Variants in SPIDR observed in about 807,000 individuals in gnomAD.
The protein encoded by SPIDR is scaffold protein involved in DNA repair, also known as DNA repair-scaffolding protein.
In SPIDR, 93 loss-of-function variants were observed where a neutral mutation model predicts 104.6. The ratio of observed to expected loss-of-function variants is 0.89; its 90% CI spans 0.75 to 1.06. The LOEUF is 1.06. Ranked by LOEUF, SPIDR falls within the 50% of genes least tolerant of loss-of-function variation. The pLI is 0.00. For synonymous variants in SPIDR, 431 were observed against 416.9 expected, an observed-to-expected ratio of 1.03 and a Z score of -0.41; for missense variants, 1,154 against 1,111.2, an observed-to-expected ratio of 1.04 and a Z score of -0.55.
chr8:47,591,997 A>G, intron 8 of SPIDR: 1 of 643,758 alleles, frequency 1.6e-6, no homozygotes, highest in Non-Finnish European at 2.8e-6. Context: ...TAGATTTGCT[A>G]ATGTGCATTT....
intron 8 of SPIDR, among the ~76,000 whole-genome samples, chr8:47,553,224 C>G (rs370802410): frequency 4.7e-4 from 71 of 152,270 alleles, no homozygotes; most frequent in African/African-American, 1.7e-3. Context: ...CTTGGTGAAT[C>G]TGACAATTAT....
intron 5 of SPIDR, among the ~76,000 whole-genome samples, chr8:47,302,770 T>C (rs2042364532): frequency 6.6e-6 from 1 of 152,164 alleles, no homozygotes; most frequent in African/African-American, 2.4e-5. Flanking sequence ...AATATTGGTT[T>C]ATACCAAATG....
chr8:47,329,196 G>A (rs529802381), intron 5 of SPIDR, among the ~76,000 whole-genome samples: 4 of 151,344 alleles, frequency 2.6e-5, no homozygotes, highest in South Asian at 2.1e-4. Context: ...TCAGCCTCCC[G>A]AGTAGCTGGG....
At chr8:47,420,415 T>G (rs1323340215) in intron 7 of SPIDR, among the ~76,000 whole-genome samples, 4 of 152,206 alleles carry the variant, frequency 2.6e-5, no homozygotes, top group African/African-American at 9.7e-5. Flanking sequence ...AAAGTCTGTT[T>G]TATCAGAGAC....
intron 10 of SPIDR, among the ~76,000 whole-genome samples, chr8:47,610,524 TC>T (rs990875775): frequency 1.3e-5 from 2 of 152,210 alleles, no homozygotes; most frequent in African/African-American, 4.8e-5. Context: ...TTTGCCTCTG[TC>T]AAATGACCTA....
chr8:47,608,005 A>G (rs181692149), intron 10 of SPIDR, among the ~76,000 whole-genome samples: 39 of 152,268 alleles, frequency 2.6e-4, no homozygotes, highest in African/African-American at 9.4e-4. Context: ...GTACAATTCA[A>G]TTGTGTTTAT....
At chr8:47,641,496 A>G (rs933315750) in intron 10 of SPIDR, among the ~76,000 whole-genome samples, 4 of 152,256 alleles carry the variant, frequency 2.6e-5, no homozygotes, top group African/African-American at 9.6e-5. Flanking sequence ...AGTGCCTACT[A>G]TAGATGAGAC....
intron 8 of SPIDR, among the ~76,000 whole-genome samples, chr8:47,556,703 G>A (rs2091367304): frequency 6.6e-6 from 1 of 152,028 alleles, no homozygotes; most frequent in Non-Finnish European, 1.5e-5. Flanking sequence ...GGGCTGATGT[G>A]ATCCTTCCAC....
intron 8 of SPIDR, among the ~76,000 whole-genome samples, chr8:47,444,359 C>T (rs571261054): frequency 1.3e-5 from 2 of 152,306 alleles, no homozygotes; most frequent in East Asian, 1.9e-4. Flanking sequence ...CAGAGACAAC[C>T]AGGACACCTC....
chr8:47,499,283 G>C (rs1158124369), intron 8 of SPIDR, among the ~76,000 whole-genome samples: 1 of 152,180 alleles, frequency 6.6e-6, no homozygotes, highest in African/African-American at 2.4e-5. Flanking sequence ...GTCTATGACT[G>C]TCAGACTTTT....
At chr8:47,406,529 CT>C (rs1554667375) in intron 6 of SPIDR, among the ~76,000 whole-genome samples, 1 of 152,064 alleles carries the variant, frequency 6.6e-6, no homozygotes, top group Non-Finnish European at 1.5e-5. Flanking sequence ...GAGGTTTTAA[CT>C]TTTTTTCTGT....
At chr8:47,472,193 A>T (rs1433998166) in intron 8 of SPIDR, among the ~76,000 whole-genome samples, 2 of 152,214 alleles carry the variant, frequency 1.3e-5, no homozygotes, top group Non-Finnish European at 2.9e-5. Context: ...GTGTTGAACA[A>T]AGCTGTAGCT....
chr8:47,677,409 G>A (rs1428655420), intron 11 of SPIDR, among the ~76,000 whole-genome samples: 1 of 152,222 alleles, frequency 6.6e-6, no homozygotes, highest in Admixed American at 6.5e-5. Flanking sequence ...AAATTATTTT[G>A]TGGGGAGTGG....
rs781951796 is a variant in SPIDR at position 47,407,883 on chromosome 8, A to G, written c.799A>G (p.Asn267Asp). 6.2e-7 allele frequency: 1 copy of G among 1,601,420 alleles called. No individual in the cohort carries two copies. Among genetic ancestry groups the G allele is most frequent in the African/African-American group, 1.3e-5 (1 of 74,662 alleles). The change falls in exon 7 of 20, where the codon AAT becomes GAT. Residue 267 changes from asparagine (N) to aspartate (D), a missense_variant. Asn to Asp is a conservative substitution (Grantham distance 23). Coordinates refer to ENST00000297423, the MANE Select transcript of SPIDR (RefSeq NM_001080394.4). ...LLRGGLAERL[N>D]GLQNRERSAI... ...CAGAGGTGGACTAGCAGAAAGACTA[A>G]ATGGACTGCAGAATCGAGAGAGATC...
intron 16 of SPIDR, among the ~76,000 whole-genome samples, chr8:47,725,653 G>C (rs2084122899): frequency 6.6e-6 from 1 of 152,222 alleles, no homozygotes; most frequent in Admixed American, 6.5e-5. Flanking sequence ...GCTGCCCAAA[G>C]TGCTGGAATT....
intron 7 of SPIDR, among the ~76,000 whole-genome samples, chr8:47,424,463 C>T (rs1458517186): frequency 6.6e-6 from 1 of 152,082 alleles, no homozygotes; most frequent in African/African-American, 2.4e-5. Context: ...TGCCACCACA[C>T]CCAGCTGTTT....
At chr8:47,406,751 G>A (rs782587282) in intron 6 of SPIDR, among the ~76,000 whole-genome samples, 53 of 152,108 alleles carry the variant, frequency 3.5e-4, no homozygotes, top group Non-Finnish European at 7.1e-4. Context: ...TAAATGCCAC[G>A]TGCTGCACTA....
chr8:47,627,249 G>C (rs1402666041), intron 10 of SPIDR, among the ~76,000 whole-genome samples: 2 of 152,072 alleles, frequency 1.3e-5, no homozygotes, highest in African/African-American at 4.8e-5. Flanking sequence ...GGGGTGGCGG[G>C]AGCGGGGAGG....
At chr8:47,460,480 C>T (rs1170172123) in intron 8 of SPIDR, among the ~76,000 whole-genome samples, 3 of 152,160 alleles carry the variant, frequency 2.0e-5, no homozygotes, top group Non-Finnish European at 2.9e-5. Context: ...AAAATAGCTA[C>T]TCCTGCTCAG....
Sources: gnomAD v4.1 joint callset for allele counts (sites outside exome capture counted in the v4.1 genomes callset) on GRCh38, gnomAD v4.1.1 for gene constraint, MANE v1.5 for transcripts, NCBI Gene and HGNC (gene_info 2026-07-23, HGNC 2026-07-21) for gene names.